The following SQOR variants were observed in gnomAD, a reference collection of about 807,000 sequenced individuals.
The protein encoded by SQOR is sulfide:quinone oxidoreductase, mitochondrial.
A neutral mutation model predicts 48.6 loss-of-function variants in SQOR; 39 were observed. The ratio of observed to expected loss-of-function variants is 0.80; its 90% CI spans 0.62 to 1.05. SQOR has a LOEUF of 1.05. Among genes scored for constraint, SQOR ranks in the 50% least tolerant of loss-of-function variants. SQOR has a pLI of 0.00. For missense variants in SQOR, 561 were observed against 559.9 expected (o/e 1.00, Z -0.02); for synonymous variants, 220 against 206.2 (o/e 1.07, Z -0.57).
chr15:45,658,860 C>T (rs190466451), intron 1 of SQOR, 47 bp from the exon 2 acceptor site: 14 of 1,374,456 alleles, frequency 1.0e-5, no homozygotes, highest in Admixed American at 6.0e-5. Flanking sequence ...TTCAGTCCCA[C>T]GATGGTTTCT....
At chr15:45,651,974 C>T (rs1889501388) in intron 1 of SQOR, among the ~76,000 whole-genome samples, 2 of 151,846 alleles carry the variant, frequency 1.3e-5, no homozygotes, top group Admixed American at 6.6e-5. Context: ...CTGCAACCCC[C>T]CGCCTCCTGG....
chr15:45,661,289 T>TAGA lies in SQOR; in HGVS notation c.235-666_235-665insAGA, dbSNP rs777334925. On this transcript the variant is annotated intron_variant, in intron 2 of 9. Coordinates refer to ENST00000260324, the MANE Select transcript of SQOR (RefSeq NM_021199.4). ...TGGGGTGATTGGGCGAGACTCTGTC[T>TAGA]TAAAAAAAAAAAAAAAAAAAAAAAA... is the stretch of plus-strand genomic sequence containing the variant. Among the ~76,000 whole-genome samples the TAGA allele has an allele frequency of 1.0e-3, 84 of 84,374 alleles. 7 individuals carry two copies. Among genetic ancestry groups the TAGA allele is most frequent in the Middle Eastern group, 0.015 (2 of 132 alleles). The allele number at this position is 84,374 out of a possible 152,430, so 55.4% of individuals were successfully genotyped here.
chr15:45,666,688 G>T (rs947184062), intron 3 of SQOR, among the ~76,000 whole-genome samples: 1 of 151,844 alleles, frequency 6.6e-6, no homozygotes, highest in East Asian at 1.9e-4. Context: ...AAAGCAGCAG[G>T]CTTATCATCT....
intron 4 of SQOR, among the ~76,000 whole-genome samples, chr15:45,672,405 TTAC>T (rs1889960942): frequency 6.6e-6 from 1 of 152,214 alleles, no homozygotes; most frequent in East Asian, 1.9e-4. Context: ...ACTGCCAATG[TTAC>T]TACTATCTAA....
upstream of SQOR, among the ~76,000 whole-genome samples, chr15:45,632,664 G>A (rs1894918299): frequency 6.6e-6 from 1 of 152,166 alleles, no homozygotes; most frequent in Non-Finnish European, 1.5e-5. Context: ...GGAGGGTGAT[G>A]GGACTGGGAA....
intron 7 of SQOR, among the ~76,000 whole-genome samples, chr15:45,686,754 T>C (rs551270817): frequency 1.4e-4 from 22 of 152,368 alleles, no homozygotes; most frequent in Non-Finnish European, 2.9e-4. Flanking sequence ...AGGTAACCCA[T>C]CTTTCCTCAA....
At chr15:45,683,888 A>G (rs1001586189) in intron 7 of SQOR, among the ~76,000 whole-genome samples, 5 of 139,352 alleles carry the variant, frequency 3.6e-5, no homozygotes, top group Admixed American at 7.3e-5. Context: ...ATATATATAT[A>G]TATTTTTGTT....
At chr15:45,665,368 G>T (rs1889794833) in intron 3 of SQOR, among the ~76,000 whole-genome samples, 1 of 152,082 alleles carries the variant, frequency 6.6e-6, no homozygotes, top group South Asian at 2.1e-4. Flanking sequence ...TCATCCTGCT[G>T]GTTTTAATTC....
At chr15:45,653,863 G>A (rs957159925) in intron 1 of SQOR, among the ~76,000 whole-genome samples, 21 of 152,158 alleles carry the variant, frequency 1.4e-4, no homozygotes, top group African/African-American at 4.6e-4. Context: ...TAGGCTGGGT[G>A]GGGTGGTTTA....
chr15:45,683,892 TTTTG>T (rs147802488), intron 7 of SQOR, among the ~76,000 whole-genome samples: 50,468 of 149,368 alleles, frequency 0.34, 9,764 homozygotes, highest in Middle Eastern at 0.56. Flanking sequence ...ATATATATAT[TTTTG>T]TTTGTTTGTT....
intron 4 of SQOR, among the ~76,000 whole-genome samples, chr15:45,670,914 A>G (rs375748538): frequency 1.3e-5 from 2 of 152,140 alleles, no homozygotes; most frequent in South Asian, 4.1e-4. Flanking sequence ...AAAGGTGTTT[A>G]TTACAACTAC....
intron 4 of SQOR, among the ~76,000 whole-genome samples, chr15:45,672,910 C>T (rs1003554549): frequency 1.9e-4 from 29 of 151,802 alleles, no homozygotes; most frequent in Middle Eastern, 3.2e-3. Context: ...TCTGAATCAG[C>T]TGGAGGGCTT....
rs945434445 is a variant in SQOR, at chr15:45,653,198, G to C, written c.-17-5709G>C. On this transcript the variant is annotated intron_variant, in intron 1 of 9. Coordinates refer to ENST00000260324, the MANE Select transcript of SQOR (RefSeq NM_021199.4). Reference sequence around the variant, plus strand: ...GGCATTAGCTCCCGGAGTTAGTGGAGGCCCCGTAGTTTAAAGCTCAGTCCC... The same window carrying C: ...GGCATTAGCTCCCGGAGTTAGTGGACGCCCCGTAGTTTAAAGCTCAGTCCC... Among the ~76,000 whole-genome samples, 4 of 152,266 alleles carry C rather than the reference G, an allele frequency of 2.6e-5. No homozygotes were observed. In the East Asian group the frequency reaches 5.8e-4, roughly 22 times the overall value.
intron 7 of SQOR, among the ~76,000 whole-genome samples, chr15:45,685,573 C>T (rs1001889895): frequency 6.6e-6 from 1 of 152,116 alleles, no homozygotes; most frequent in African/African-American, 2.4e-5. Flanking sequence ...AACCCAAGTC[C>T]CGCACGCCTG....
chr15:45,635,887 G>C (rs1387000375), intron 1 of SQOR, among the ~76,000 whole-genome samples: 1 of 152,138 alleles, frequency 6.6e-6, no homozygotes, highest in Non-Finnish European at 1.5e-5. Context: ...CCAAGCTGGA[G>C]TGCAGTGGCG....
chr15:45,638,920 C>A (rs1244992590), intron 1 of SQOR, among the ~76,000 whole-genome samples: 1 of 152,118 alleles, frequency 6.6e-6, no homozygotes, highest in South Asian at 2.1e-4. Context: ...CAGGAGAAAC[C>A]AGTCTCATCA....
intron 1 of SQOR, among the ~76,000 whole-genome samples, chr15:45,636,041 C>A (rs1255481793): frequency 6.6e-6 from 1 of 152,094 alleles, no homozygotes; most frequent in Non-Finnish European, 1.5e-5. Context: ...TGTTGCCCAG[C>A]TGGTCTCGAA....
intron 1 of SQOR, among the ~76,000 whole-genome samples, chr15:45,657,326 G>T (rs778359386): frequency 6.6e-6 from 1 of 151,666 alleles, no homozygotes; most frequent in Non-Finnish European, 1.5e-5. Context: ...TTAGTAGAGG[G>T]GTGACCAGAT....
At chr15:45,675,101 CT>C (rs1196453932) in intron 5 of SQOR, among the ~76,000 whole-genome samples, 3 of 152,168 alleles carry the variant, frequency 2.0e-5, no homozygotes, top group African/African-American at 7.2e-5. Flanking sequence ...TTTTGAGACA[CT>C]TACCCACCTG....
Sources: allele counts gnomAD v4.1 joint callset (sites outside exome capture counted in the v4.1 genomes callset), GRCh38; gene constraint gnomAD v4.1.1; transcripts MANE v1.5; gene names NCBI Gene and HGNC (gene_info 2026-07-23, HGNC 2026-07-21).